The following NEGR1 variants were observed in gnomAD, a reference collection of about 807,000 sequenced individuals.
NEGR1 encodes the protein IgLON family member 4.
In NEGR1, 10 loss-of-function variants were observed where a neutral mutation model predicts 40.9. The observed-to-expected ratio is 0.24, with a 90% confidence interval of 0.15 to 0.42. The LOEUF (loss-of-function observed/expected upper bound fraction) is 0.42, where lower values mean the gene tolerates loss of function less well. NEGR1 is among the 10% of genes least tolerant of loss of function. The pLI is 1.00. For missense variants in NEGR1, 352 were observed against 438.9 expected, an observed-to-expected ratio of 0.80 and a Z score of 1.77; for synonymous variants, 185 against 166.8, an observed-to-expected ratio of 1.11 and a Z score of -0.84.
At chr1:72,103,608 A>G (rs914408334) in intron 1 of NEGR1, among the ~76,000 whole-genome samples, 26 of 152,148 alleles carry the variant, frequency 1.7e-4, no homozygotes, top group Non-Finnish European at 4.4e-5. Flanking sequence ...ATCTGGATTT[A>G]ATTTTGTGTT....
intron 1 of NEGR1, among the ~76,000 whole-genome samples, chr1:72,233,970 T>C (rs1182126784): frequency 6.6e-6 from 1 of 152,040 alleles, no homozygotes; most frequent in African/African-American, 2.4e-5. Flanking sequence ...CTGTTATTTT[T>C]TTACCTTAAA....
At chr1:71,774,695 AAT>A (rs1491081321) in intron 3 of NEGR1, among the ~76,000 whole-genome samples, 1 of 152,158 alleles carries the variant, frequency 6.6e-6, no homozygotes, top group East Asian at 1.9e-4. Flanking sequence ...ACAAAAAAAA[AAT>A]ATGAAACAAA....
At chr1:71,886,906 G>T (rs1660739110) in intron 2 of NEGR1, among the ~76,000 whole-genome samples, 2 of 152,102 alleles carry the variant, frequency 1.3e-5, no homozygotes, top group South Asian at 4.1e-4. Context: ...TCCATTTGGG[G>T]TGCAAAATAT....
intron 4 of NEGR1, among the ~76,000 whole-genome samples, chr1:71,688,723 T>A (rs952854965): frequency 6.6e-6 from 1 of 151,990 alleles, no homozygotes; most frequent in Non-Finnish European, 1.5e-5. Flanking sequence ...TCCCAAGAGT[T>A]TCCCTTTTTA....
chr1:71,925,458 C>G (rs1410447048), intron 2 of NEGR1, among the ~76,000 whole-genome samples: 1 of 152,190 alleles, frequency 6.6e-6, no homozygotes, highest in Non-Finnish European at 1.5e-5. Context: ...GATATTGGAA[C>G]ATAGCCTCAC....
intron 1 of NEGR1, chr1:72,274,736 C>A: frequency 1.8e-6 from 2 of 1,094,646 alleles, no homozygotes; most frequent in Non-Finnish European, 2.8e-6. Context: ...GGAGTAAAAT[C>A]GGAAGGAGAA....
chr1:71,524,458 T>C (rs1647193807), intron 6 of NEGR1, among the ~76,000 whole-genome samples: 1 of 151,572 alleles, frequency 6.6e-6, no homozygotes, highest in Non-Finnish European at 1.5e-5. Context: ...AGTAAAATAG[T>C]TGCTTATAAA....
At chr1:71,733,917 A>G (rs1388174261) in intron 3 of NEGR1, among the ~76,000 whole-genome samples, 6 of 152,200 alleles carry the variant, frequency 3.9e-5, no homozygotes, top group African/African-American at 1.4e-4. Context: ...CAGTATGTTG[A>G]AACTTCTCAA....
intron 5 of NEGR1, among the ~76,000 whole-genome samples, chr1:71,608,292 T>C (rs914139994): frequency 6.6e-6 from 1 of 152,152 alleles, no homozygotes; most frequent in African/African-American, 2.4e-5. Context: ...TGTGAGTGTG[T>C]TGGGGAGGAC....
chr1:71,858,890 T>C (rs530954878), intron 2 of NEGR1, among the ~76,000 whole-genome samples: 1 of 152,144 alleles, frequency 6.6e-6, no homozygotes, highest in African/African-American at 2.4e-5. Flanking sequence ...TGTACCTAAA[T>C]ATAGCATTCC....
chr1:71,964,545 C>T (rs1183577933), intron 1 of NEGR1, among the ~76,000 whole-genome samples: 1 of 152,160 alleles, frequency 6.6e-6, no homozygotes, highest in African/African-American at 2.4e-5. Flanking sequence ...CAACCCTCAG[C>T]CATTCGAGTC....
At chr1:71,592,079 C>A (rs1649519110) in intron 6 of NEGR1, among the ~76,000 whole-genome samples, 1 of 151,982 alleles carries the variant, frequency 6.6e-6, no homozygotes, top group South Asian at 2.1e-4. Flanking sequence ...TTTTGAGAAA[C>A]ATTTGATTTC....
chr1:71,685,642 AAGAT>A (rs1219815676), intron 4 of NEGR1, among the ~76,000 whole-genome samples: 1 of 152,150 alleles, frequency 6.6e-6, no homozygotes, highest in African/African-American at 2.4e-5. Context: ...TAGCAAATGA[AAGAT>A]AACATAGAGC....
At position 71,416,335 on chromosome 1, in the gene NEGR1, T is replaced by C. The variant is rs564781791; in HGVS notation, c.941-8765A>G. Among the ~76,000 whole-genome samples the C allele has an allele frequency of 2.0e-5, 3 of 152,324 alleles. No homozygotes were observed. In the East Asian group the frequency reaches 5.8e-4, roughly 29 times the overall value. ...ATTTTATTCTTTGTATCTTTTGTGT[T>C]AGGAAGGTTACCTAAACTAGCTTAT... On this transcript the variant is annotated intron_variant, in intron 6 of 6. Coordinates refer to ENST00000357731, the MANE Select transcript of NEGR1 (RefSeq NM_173808.3).
chr1:72,013,519 T>C (rs1290633778), intron 1 of NEGR1, among the ~76,000 whole-genome samples: 1 of 152,092 alleles, frequency 6.6e-6, no homozygotes, highest in Non-Finnish European at 1.5e-5. Flanking sequence ...TTTGTATAAT[T>C]CTTTTATTAC....
chr1:71,793,565 C>T (rs1052809939), intron 2 of NEGR1, among the ~76,000 whole-genome samples: 1 of 151,806 alleles, frequency 6.6e-6, no homozygotes, highest in Admixed American at 6.6e-5. Flanking sequence ...GAAAATATTG[C>T]CAATTCATTT....
intron 1 of NEGR1, among the ~76,000 whole-genome samples, chr1:72,091,531 G>A (rs1472036130): frequency 6.6e-6 from 1 of 151,514 alleles, no homozygotes; most frequent in East Asian, 2.0e-4. Context: ...CAGCCCCATA[G>A]GAGAGCCAGG....
chr1:71,543,338 G>T (rs1647777125), intron 6 of NEGR1, among the ~76,000 whole-genome samples: 1 of 151,674 alleles, frequency 6.6e-6, no homozygotes, highest in Non-Finnish European at 1.5e-5. Flanking sequence ...GTTGATATCA[G>T]ATCTCAAGAT....
chr1:71,773,680 C>T (rs1388047631), intron 3 of NEGR1, among the ~76,000 whole-genome samples: 2 of 152,134 alleles, frequency 1.3e-5, no homozygotes, highest in African/African-American at 4.8e-5. Flanking sequence ...TTATAAAAAT[C>T]TCTGCCAAGT....
Sources: allele counts gnomAD v4.1 joint callset (sites outside exome capture counted in the v4.1 genomes callset), GRCh38; gene constraint gnomAD v4.1.1; transcripts MANE v1.5; gene names NCBI Gene and HGNC (gene_info 2026-07-23, HGNC 2026-07-21).